Variants in CNTN5 observed in about 807,000 individuals in gnomAD.
CNTN5 encodes the protein contactin 5, also known as contactin-5.
Under a neutral mutation model 129.1 loss-of-function variants are expected in CNTN5, and 77 were observed. The observed-to-expected ratio is 0.60, with a 90% CI of 0.50 to 0.72. CNTN5 has a LOEUF of 0.72. Ranked by LOEUF, CNTN5 falls within the 30% of genes least tolerant of loss-of-function variation. The pLI is 0.00. For missense variants in CNTN5, 1,478 were observed against 1,328.8 expected, an observed-to-expected ratio of 1.11 and a Z score of -1.75; for synonymous variants, 509 against 465.6, an observed-to-expected ratio of 1.09 and a Z score of -1.20.
chr11:99,933,473 G>A (rs1271111940), intron 7 of CNTN5, among the ~76,000 whole-genome samples: 3 of 152,106 alleles, frequency 2.0e-5, no homozygotes, highest in Non-Finnish European at 4.4e-5. Flanking sequence ...ACCACAAGAA[G>A]TTCCCCAGTG....
At chr11:99,187,325 C>T (rs1266035153) in intron 1 of CNTN5, among the ~76,000 whole-genome samples, 1 of 151,680 alleles carries the variant, frequency 6.6e-6, no homozygotes, top group Non-Finnish European at 1.5e-5. Context: ...AAAGCAGTGG[C>T]ACCCTAGATG....
At chr11:99,644,589 A>G in intron 3 of CNTN5, among the ~76,000 whole-genome samples, 1 of 152,202 alleles carries the variant, frequency 6.6e-6, no homozygotes, top group East Asian at 1.9e-4. Flanking sequence ...CCTTAAAAAT[A>G]TGTTGTAAAT....
intron 3 of CNTN5, among the ~76,000 whole-genome samples, chr11:99,557,290 T>C (rs1948704702): frequency 6.6e-6 from 1 of 151,274 alleles, no homozygotes; most frequent in Non-Finnish European, 1.5e-5. Context: ...TAACACATGT[T>C]CAAGATATGT....
intron 2 of CNTN5, among the ~76,000 whole-genome samples, chr11:99,498,731 A>T (rs768193735): frequency 2.0e-5 from 3 of 152,164 alleles, no homozygotes; most frequent in African/African-American, 4.8e-5. Context: ...ATTAGGGAAA[A>T]ATGATGCCTC....
chr11:100,084,115 A>G (rs1024486260), intron 13 of CNTN5, among the ~76,000 whole-genome samples: 3 of 152,142 alleles, frequency 2.0e-5, no homozygotes, highest in African/African-American at 7.2e-5. Flanking sequence ...ACTTCTAACC[A>G]TGGTTCATTT....
chr11:99,771,397 CAT>C (rs1440095202), intron 3 of CNTN5, among the ~76,000 whole-genome samples: 3 of 151,840 alleles, frequency 2.0e-5, no homozygotes, highest in African/African-American at 4.8e-5. Flanking sequence ...CATATACACA[CAT>C]ATATGTATAT....
chr11:99,850,924 A>G (rs1947853127), intron 6 of CNTN5, among the ~76,000 whole-genome samples: 1 of 152,186 alleles, frequency 6.6e-6, no homozygotes, highest in Non-Finnish European at 1.5e-5. Context: ...CTTCAATTCA[A>G]TAGCAAGTTT....
chr11:99,059,900 C>T (rs1162037520), intron 1 of CNTN5, among the ~76,000 whole-genome samples: 3 of 151,958 alleles, frequency 2.0e-5, no homozygotes, highest in Non-Finnish European at 4.4e-5. Context: ...AATAATTGCT[C>T]ATAAAGTCAT....
intron 9 of CNTN5, among the ~76,000 whole-genome samples, chr11:100,056,677 C>A (rs1943239200): frequency 6.6e-6 from 1 of 151,622 alleles, no homozygotes; most frequent in African/African-American, 2.4e-5. Flanking sequence ...GAAATTAACA[C>A]ACCTATCTCA....
intron 2 of CNTN5, among the ~76,000 whole-genome samples, chr11:99,384,842 C>A (rs1043118488): frequency 6.6e-6 from 1 of 152,060 alleles, no homozygotes; most frequent in African/African-American, 2.4e-5. Context: ...TTAAATCAAG[C>A]TAATTACCAT....
chr11:99,166,729 C>T (rs532510612), intron 1 of CNTN5, among the ~76,000 whole-genome samples: 1 of 151,122 alleles, frequency 6.6e-6, no homozygotes, highest in East Asian at 2.0e-4. Context: ...GTCATATTTA[C>T]AGTGGTCACA....
chr11:100,161,842 C>CAT (rs1947459745), intron 13 of CNTN5, among the ~76,000 whole-genome samples: 1 of 145,896 alleles, frequency 6.9e-6, no homozygotes, highest in African/African-American at 2.6e-5. Context: ...CACACACACA[C>CAT]ACACACACAC....
At chr11:99,480,143 C>T (rs10893394) in intron 2 of CNTN5, among the ~76,000 whole-genome samples, 33,095 of 152,000 alleles carry the variant, frequency 0.22, 3,948 homozygotes, top group Admixed American at 0.33. Flanking sequence ...TACATATTAA[C>T]TATATGATGG....
At chr11:99,095,393 T>C (rs2135332072) in intron 1 of CNTN5, among the ~76,000 whole-genome samples, 1 of 151,886 alleles carries the variant, frequency 6.6e-6, no homozygotes, top group African/African-American at 2.4e-5. Context: ...ATGGTGAGAG[T>C]GATAGATGTA....
At chr11:99,673,749 A>G (rs1180971187) in intron 3 of CNTN5, among the ~76,000 whole-genome samples, 2 of 116,576 alleles carry the variant, frequency 1.7e-5, no homozygotes, top group Non-Finnish European at 3.6e-5. Context: ...TTCCAGCTCC[A>G]CCTGTGTCCC....
intron 3 of CNTN5, among the ~76,000 whole-genome samples, chr11:99,606,475 A>T (rs1950419995): frequency 6.9e-6 from 1 of 145,314 alleles, no homozygotes; most frequent in Non-Finnish European, 1.5e-5. Flanking sequence ...AGAACATTCC[A>T]TGCTCATGGG....
rs990606124 is a variant in CNTN5 at position 99,269,719 on chromosome 11, T to G, written c.-209-55627T>G. 1.2e-4 allele frequency among the ~76,000 whole-genome samples: 18 copies of G among 151,824 alleles called. 1 individual carries two copies. The highest frequency in any genetic ancestry group is 4.4e-4 in the African/African-American group (18 of 41,324). ...AAATATAAATGTACTATAAGATAATTGAAAATATTTCAGATAAGTCATCTA... is the reference window on the plus strand; with the variant it reads ...AAATATAAATGTACTATAAGATAATGGAAAATATTTCAGATAAGTCATCTA... On this transcript the variant is annotated intron_variant, in intron 1 of 24. Coordinates refer to ENST00000524871, the MANE Select transcript of CNTN5 (RefSeq NM_014361.4).
intron 3 of CNTN5, among the ~76,000 whole-genome samples, chr11:99,799,518 T>C (rs1591205267): frequency 1.3e-5 from 2 of 152,068 alleles, no homozygotes; most frequent in Admixed American, 6.6e-5. Context: ...GTCGTTTTTG[T>C]TTTTAATTCT....
At chr11:99,633,345 G>A (rs1160940417) in intron 3 of CNTN5, among the ~76,000 whole-genome samples, 1 of 152,114 alleles carries the variant, frequency 6.6e-6, no homozygotes, top group African/African-American at 2.4e-5. Flanking sequence ...TAGAAATACT[G>A]TACAATAGAA....
Sources: gnomAD v4.1 joint callset for allele counts (sites outside exome capture counted in the v4.1 genomes callset) on GRCh38, gnomAD v4.1.1 for gene constraint, MANE v1.5 for transcripts, NCBI Gene and HGNC (gene_info 2026-07-23, HGNC 2026-07-21) for gene names.